ADAM22: variants seen among roughly 807,000 people sequenced by gnomAD.
ADAM22 encodes ADAM metallopeptidase domain 22.
ADAM22 carries 65 observed loss-of-function variants against 144.6 expected under a neutral mutation model. The ratio of observed to expected loss-of-function variants is 0.45; its 90% CI spans 0.37 to 0.55. The LOEUF is 0.55. Among genes scored for constraint, ADAM22 ranks in the 20% least tolerant of loss-of-function variants. ADAM22 has a pLI of 0.00. For synonymous variants in ADAM22, 391 were observed against 412.6 expected, an observed-to-expected ratio of 0.95 and a Z score of 0.63; for missense variants, 974 against 1,184.9, an observed-to-expected ratio of 0.82 and a Z score of 2.61.
At chr7:88,152,210 G>A (rs1427571083) in intron 20 of ADAM22, among the ~76,000 whole-genome samples, 1 of 152,162 alleles carries the variant, frequency 6.6e-6, no homozygotes, top group Non-Finnish European at 1.5e-5. Flanking sequence ...AGCAAAAATA[G>A]TAGCTGACAA....
At position 88,130,593 on chromosome 7, in the gene ADAM22, T is replaced by A. The variant is rs1831518223; in HGVS notation, c.825+134T>A. The A allele has an allele frequency of 2.1e-5, 16 of 774,002 alleles. No individual in the cohort carries two copies. The South Asian group carries it at 3.3e-4, about 16-fold the overall frequency. 47.9% of individuals were successfully genotyped at this position (774,002 alleles called of 1,614,324 possible). On this transcript the variant is annotated intron_variant, in intron 10 of 31. Transcript: ENST00000413139. ...GCCAAGGTGTCTAGTAAGTTCCGGG[T>A]GACCTTGCAATAGACTTTATTGACT...
At chr7:88,135,883 T>A in intron 13 of ADAM22, 97 bp from the exon 14 acceptor site, 3 of 1,061,338 alleles carry the variant, frequency 2.8e-6, no homozygotes, top group Non-Finnish European at 3.9e-6. Context: ...AAAGGCATTT[T>A]AAGGAATAAA....
At chr7:88,161,824 C>T (rs1465260232) in intron 22 of ADAM22, among the ~76,000 whole-genome samples, 1 of 151,806 alleles carries the variant, frequency 6.6e-6, no homozygotes, top group African/African-American at 2.4e-5. Flanking sequence ...CTGGCAAGGT[C>T]GCAGACAAAG....
chr7:88,080,524 CA>C (rs1354285185), intron 4 of ADAM22, among the ~76,000 whole-genome samples: 2 of 151,816 alleles, frequency 1.3e-5, no homozygotes, highest in Non-Finnish European at 2.9e-5. Context: ...AATAGAGACA[CA>C]AAAAGCCCTT....
chr7:88,082,819 A>G (rs1335223008), intron 4 of ADAM22, among the ~76,000 whole-genome samples: 1 of 152,146 alleles, frequency 6.6e-6, no homozygotes, highest in Admixed American at 6.5e-5. Flanking sequence ...AATGGCGATC[A>G]TTAAAAAGTC....
intron 3 of ADAM22, among the ~76,000 whole-genome samples, chr7:88,068,527 C>G (rs954700511): frequency 1.3e-5 from 2 of 152,048 alleles, no homozygotes; most frequent in African/African-American, 4.8e-5. Flanking sequence ...GGTGACTGCT[C>G]TAAGGAAAAC....
In ADAM22 at chr7:88,155,995, A is replaced by G; in HGVS notation, c.1896A>G (p.Thr632=). ...CTTTAGTTGTGCAGCAAGGAAGAAC[A>G]TTAAACTGCAGGTAATTATCTAACC... ...TSTLVVQQGR[T]LNCSGGHVKL... The change falls in exon 22 of 32, where the codon ACA becomes ACG. Residue 632 remains threonine, a synonymous_variant. Coordinates refer to ENST00000413139, the MANE Select transcript of ADAM22 (RefSeq NM_001324418.2). The G allele has an allele frequency of 6.2e-7, 1 of 1,613,182 alleles. No individual in the cohort carries two copies. The highest frequency in any genetic ancestry group is 8.5e-7 in the Non-Finnish European group (1 of 1,179,462).
At chr7:88,165,318 A>C (rs982766500) in intron 23 of ADAM22, among the ~76,000 whole-genome samples, 1 of 152,104 alleles carries the variant, frequency 6.6e-6, no homozygotes, top group Non-Finnish European at 1.5e-5. Flanking sequence ...TATCTACAGC[A>C]TGGGTTGAAG....
At chr7:88,031,233 G>C (rs889102499) in intron 3 of ADAM22, among the ~76,000 whole-genome samples, 1 of 152,140 alleles carries the variant, frequency 6.6e-6, no homozygotes, top group African/African-American at 2.4e-5. Flanking sequence ...CCAGGAGTGG[G>C]GTATTGCTAT....
intron 31 of ADAM22, among the ~76,000 whole-genome samples, 177 bp downstream of exon 31, chr7:88,193,416 G>A (rs1034364947): frequency 1.5e-4 from 23 of 152,180 alleles, no homozygotes; most frequent in African/African-American, 5.5e-4. Flanking sequence ...TTTGCAAATA[G>A]TTTAATCTGC....
chr7:88,062,439 G>A (rs1810148003), intron 3 of ADAM22, among the ~76,000 whole-genome samples: 1 of 152,164 alleles, frequency 6.6e-6, no homozygotes, highest in South Asian at 2.1e-4. Flanking sequence ...ATGTCTCTCA[G>A]CCTTCATATA....
intron 3 of ADAM22, among the ~76,000 whole-genome samples, chr7:87,998,652 G>A (rs534246422): frequency 2.1e-4 from 32 of 152,156 alleles, no homozygotes; most frequent in Non-Finnish European, 4.0e-4. Context: ...GCCTCCCAAA[G>A]TGCTGGGATT....
chr7:87,935,450 G>A (rs1841018150), intron 2 of ADAM22, among the ~76,000 whole-genome samples: 2 of 152,280 alleles, frequency 1.3e-5, no homozygotes, highest in Admixed American at 1.3e-4. Context: ...GAGAGAACAG[G>A]CGGAGAGCCC....
chr7:88,182,834 T>TA (rs1282553211), intron 29 of ADAM22, among the ~76,000 whole-genome samples: 1 of 152,208 alleles, frequency 6.6e-6, no homozygotes, highest in Non-Finnish European at 1.5e-5. Flanking sequence ...TGACTTTTTT[T>TA]ACCCATTCTA....
chr7:88,017,127 GT>G (rs1386351556), intron 3 of ADAM22, among the ~76,000 whole-genome samples: 1 of 151,922 alleles, frequency 6.6e-6, no homozygotes, highest in Non-Finnish European at 1.5e-5. Flanking sequence ...GTGAGACCCT[GT>G]CTCTAAAAAT....
chr7:88,196,558 T>A lies in ADAM22; in HGVS notation c.*67T>A. ...CAACTTTTATAGAAACCCAGGCTCATGGAATCACTGCAAATCTATCTGCTC... is the reference window on the plus strand; with the variant it reads ...CAACTTTTATAGAAACCCAGGCTCAAGGAATCACTGCAAATCTATCTGCTC... On this transcript the variant is annotated 3_prime_UTR_variant, in exon 32 of 32. Coordinates refer to ENST00000413139, the MANE Select transcript of ADAM22 (RefSeq NM_001324418.2). The A allele has an allele frequency of 6.6e-7, 1 of 1,521,366 alleles. No homozygotes were observed. Among genetic ancestry groups the A allele is most frequent in the Non-Finnish European group, 9.1e-7 (1 of 1,096,802 alleles). The allele number at this position is 1,521,366 out of a possible 1,614,324, so 94.2% of individuals were successfully genotyped here.
rs1052535473 is a variant in ADAM22, at chr7:88,196,732, A to G, written c.*241A>G. 2 of 545,860 alleles carry G rather than the reference A, an allele frequency of 3.7e-6. No homozygotes were observed. The highest frequency in any genetic ancestry group is 6.6e-6 in the Non-Finnish European group (2 of 303,328). The allele number at this position is 545,860 out of a possible 1,614,324, so 33.8% of individuals were successfully genotyped here. A position where few individuals can be genotyped will look rare whatever the true frequency, so the allele number is the denominator to read the frequency against. On this transcript the variant is annotated 3_prime_UTR_variant, in exon 32 of 32. Coordinates refer to ENST00000413139, the MANE Select transcript of ADAM22 (RefSeq NM_001324418.2). ...ATATTACACTATAACATGGAACAAT[A>G]AAGGTACTGGTATGTTAATGGATAA...
chr7:88,141,456 TAGA>T (rs1834604771), intron 14 of ADAM22, among the ~76,000 whole-genome samples: 1 of 152,216 alleles, frequency 6.6e-6, no homozygotes, highest in South Asian at 2.1e-4. Context: ...CTACTGTGTT[TAGA>T]AGAAGTAGGG....
At chr7:88,063,078 T>C (rs1056441343) in intron 3 of ADAM22, among the ~76,000 whole-genome samples, 1 of 152,208 alleles carries the variant, frequency 6.6e-6, no homozygotes, top group Non-Finnish European at 1.5e-5. Context: ...AAAGTGAGCA[T>C]ATGCTGTTGG....
Sources: gnomAD v4.1 joint callset for allele counts (sites outside exome capture counted in the v4.1 genomes callset) on GRCh38, gnomAD v4.1.1 for gene constraint, MANE v1.5 for transcripts, NCBI Gene and HGNC (gene_info 2026-07-23, HGNC 2026-07-21) for gene names.